The following CACNA2D3 variants were observed in gnomAD, a reference collection of about 807,000 sequenced individuals.
CACNA2D3 encodes the protein voltage-dependent calcium channel subunit alpha-2/delta-3.
CACNA2D3 carries 60 observed loss-of-function variants against 160.6 expected under a neutral mutation model. The ratio of observed to expected loss-of-function variants is 0.37; its 90% CI spans 0.30 to 0.46. CACNA2D3 has a LOEUF of 0.46. Ranked by LOEUF, CACNA2D3 falls within the 20% of genes least tolerant of loss-of-function variation. The probability of loss-of-function intolerance (pLI) is 1.00; values close to 1 mark genes in which losing one functional copy is unlikely to be tolerated. For synonymous variants in CACNA2D3, 558 were observed against 492.9 expected (o/e 1.13, Z -1.75); for missense variants, 1,205 against 1,365.0 (o/e 0.88, Z 1.85).
intron 32 of CACNA2D3, among the ~76,000 whole-genome samples, chr3:55,006,223 AT>A (rs1233666644): frequency 6.6e-6 from 1 of 152,166 alleles, no homozygotes; most frequent in Non-Finnish European, 1.5e-5. Context: ...GTGCATTTAA[AT>A]TTTTTTAATC....
chr3:55,059,741 CG>C (rs1429109948), intron 35 of CACNA2D3, among the ~76,000 whole-genome samples: 3 of 151,920 alleles, frequency 2.0e-5, no homozygotes, highest in Admixed American at 6.5e-5. Context: ...ATGGTGGATA[CG>C]GGGATTTTAT....
intron 2 of CACNA2D3, among the ~76,000 whole-genome samples, chr3:54,218,043 G>A (rs1314846023): frequency 6.6e-6 from 1 of 152,086 alleles, no homozygotes; most frequent in African/African-American, 2.4e-5. Flanking sequence ...TTAGAGAAAG[G>A]TGTGTTAGAG....
chr3:54,861,326 G>A (rs1699286598), intron 17 of CACNA2D3, among the ~76,000 whole-genome samples: 1 of 152,118 alleles, frequency 6.6e-6, no homozygotes, highest in South Asian at 2.1e-4. Context: ...CAGAGCACAT[G>A]GGGTGGCATG....
At chr3:54,986,777 A>T (rs912369935) in intron 30 of CACNA2D3, among the ~76,000 whole-genome samples, 4 of 123,688 alleles carry the variant, frequency 3.2e-5, no homozygotes, top group African/African-American at 1.2e-4. Flanking sequence ...GAGCACCCAG[A>T]GTAGAGATGG....
At chr3:54,968,973 C>A (rs980311325) in intron 28 of CACNA2D3, among the ~76,000 whole-genome samples, 1 of 152,082 alleles carries the variant, frequency 6.6e-6, no homozygotes, top group African/African-American at 2.4e-5. Flanking sequence ...GTTTTCTTTT[C>A]GCTATGCTCT....
intron 34 of CACNA2D3, among the ~76,000 whole-genome samples, chr3:55,010,330 C>G (rs927933441): frequency 2.0e-5 from 3 of 151,914 alleles, no homozygotes; most frequent in African/African-American, 4.8e-5. Context: ...ACCAAACCCT[C>G]GAGACATGCA....
chr3:54,451,831 C>A (rs1210750120), intron 4 of CACNA2D3, among the ~76,000 whole-genome samples: 1 of 152,124 alleles, frequency 6.6e-6, no homozygotes, highest in African/African-American at 2.4e-5. Context: ...CTGCTTTCTA[C>A]CCAGTGGTAG....
Position 54,644,016 on chromosome 3 carries a change from G to A in CACNA2D3, c.1167+1775G>A, listed in dbSNP as rs140403372. On this transcript the variant is annotated intron_variant, in intron 11 of 37. Transcript: ENST00000474759. ...CTATGAACAGCAAGTGTTTTTTCAT[G>A]TGAGTCTCACATGTTGTATCACATG... Among the ~76,000 whole-genome samples, 383 of 152,274 alleles carry A rather than the reference G, an allele frequency of 2.5e-3. 1 individual carries two copies. Among genetic ancestry groups the A allele is most frequent in the Non-Finnish European group, 4.0e-3 (272 of 68,006 alleles).
rs891625540 is a variant in CACNA2D3, at chr3:54,284,606, C to A, written c.205-35836C>A. ...AGGATGACATCTAATATACTCTGAA[C>A]AGTAAACATCTCTGTCTTGATGAAC... On this transcript the variant is annotated intron_variant, in intron 2 of 37. Coordinates refer to ENST00000474759, the MANE Select transcript of CACNA2D3 (RefSeq NM_018398.3). Among the ~76,000 whole-genome samples the A allele has an allele frequency of 2.6e-5, 4 of 152,202 alleles. No homozygotes were observed. In the East Asian group the frequency reaches 5.8e-4, roughly 22 times the overall value.
chr3:54,890,632 T>A (rs1271459790), intron 24 of CACNA2D3, among the ~76,000 whole-genome samples: 2 of 152,214 alleles, frequency 1.3e-5, no homozygotes, highest in African/African-American at 4.8e-5. Flanking sequence ...AGAATTTGCC[T>A]TGGAAGTTGA....
rs1197877382 is a variant in CACNA2D3, at chr3:54,475,872, C to T, written c.382-27620C>T. Among the ~76,000 whole-genome samples the T allele has an allele frequency of 2.4e-5, 3 of 126,074 alleles. No homozygotes were observed. The South Asian group carries it at 8.4e-4, about 35-fold the overall frequency. 82.7% of individuals were successfully genotyped at this position (126,074 alleles called of 152,430 possible). A position where few individuals can be genotyped will look rare whatever the true frequency, so the allele number is the denominator to read the frequency against. On this transcript the variant is annotated intron_variant, in intron 4 of 37. Coordinates refer to ENST00000474759, the MANE Select transcript of CACNA2D3 (RefSeq NM_018398.3). ...GAGGAAAACACTGAAGATCTACTCT[C>T]AACAAATTTCAGGTATTCAGTGCAT...
At chr3:54,543,292 A>C (rs2106668470) in intron 5 of CACNA2D3, among the ~76,000 whole-genome samples, 2 of 152,336 alleles carry the variant, frequency 1.3e-5, no homozygotes, top group South Asian at 2.1e-4. Flanking sequence ...TAGTACAAAC[A>C]AAATGTCTTT....
At chr3:54,837,124 C>G (rs80158374) in intron 14 of CACNA2D3, 35 bp from the exon 15 acceptor site, 1 of 1,601,332 alleles carries the variant, frequency 6.2e-7, no homozygotes, top group Non-Finnish European at 8.6e-7. Flanking sequence ...GTTTCCAGAC[C>G]GTTCCCCGGT....
intron 14 of CACNA2D3, among the ~76,000 whole-genome samples, chr3:54,820,443 T>A (rs950609847): frequency 6.6e-6 from 1 of 152,144 alleles, no homozygotes; most frequent in South Asian, 2.1e-4. Context: ...TGAAAAAAAA[T>A]ATTATTTTTT....
At chr3:54,687,145 T>TTTTTTTTTTTTTTTTTTG (rs1559549506) in intron 11 of CACNA2D3, among the ~76,000 whole-genome samples, 1 of 74,618 alleles carries the variant, frequency 1.3e-5, no homozygotes, top group East Asian at 2.3e-4. Context: ...GTTTTTTTTT[T>TTTTTTTTTTTTTTTTTTG]TTTTTGTTTT....
chr3:54,510,816 C>T (rs1358804555), intron 5 of CACNA2D3, among the ~76,000 whole-genome samples: 1 of 152,146 alleles, frequency 6.6e-6, no homozygotes, highest in African/African-American at 2.4e-5. Context: ...TCCAGCAGAA[C>T]ACCTGGCACA....
chr3:54,402,699 A>G (rs1395413545), intron 4 of CACNA2D3, among the ~76,000 whole-genome samples: 1 of 152,218 alleles, frequency 6.6e-6, no homozygotes, highest in Non-Finnish European at 1.5e-5. Flanking sequence ...TTAATATCCC[A>G]CTTTCAACAA....
chr3:54,551,020 C>T (rs1366721887), intron 5 of CACNA2D3, among the ~76,000 whole-genome samples: 1 of 152,206 alleles, frequency 6.6e-6, no homozygotes, highest in Non-Finnish European at 1.5e-5. Context: ...CACCTGCCAC[C>T]ACTTGGTTGC....
intron 11 of CACNA2D3, among the ~76,000 whole-genome samples, chr3:54,706,448 C>G (rs1292936872): frequency 6.6e-6 from 1 of 152,176 alleles, no homozygotes; most frequent in Non-Finnish European, 1.5e-5. Context: ...TCAGGAACAT[C>G]CTTTAGAATG....
Sources: allele counts gnomAD v4.1 joint callset (sites outside exome capture counted in the v4.1 genomes callset), GRCh38; gene constraint gnomAD v4.1.1; transcripts MANE v1.5; gene names NCBI Gene and HGNC (gene_info 2026-07-23, HGNC 2026-07-21).